PRKCE: variants seen among roughly 807,000 people sequenced by gnomAD.
PRKCE encodes protein kinase C epsilon.
A neutral mutation model predicts 85.4 loss-of-function variants in PRKCE; 16 were observed. The ratio of observed to expected loss-of-function variants is 0.19; its 90% confidence interval spans 0.13 to 0.28. The LOEUF (loss-of-function observed/expected upper bound fraction) is 0.28. Among genes scored for constraint, PRKCE ranks in the 10% least tolerant of loss-of-function variants. The pLI is 1.00. For missense variants in PRKCE, 573 were observed against 975.2 expected (o/e 0.59, Z 5.49); for synonymous variants, 388 against 371.5 (o/e 1.04, Z -0.51).
chr2:46,171,144 C>T (rs1483610683), intron 14 of PRKCE, among the ~76,000 whole-genome samples: 4 of 152,298 alleles, frequency 2.6e-5, no homozygotes, highest in African/African-American at 7.2e-5. Flanking sequence ...CATCCTGCTG[C>T]GGGGGGCCAG....
Position 46,184,985 on chromosome 2 carries a change from A to C in PRKCE, c.*104A>C. 6.9e-7 allele frequency: 1 copy of C among 1,449,308 alleles called. No individual in the cohort carries two copies. The highest frequency in any genetic ancestry group is 9.4e-7 in the Non-Finnish European group (1 of 1,068,484). The allele number at this position is 1,449,308 out of a possible 1,614,324, so 89.8% of individuals were successfully genotyped here. Reference sequence around the variant, plus strand: ...GTCTTGAACTACTTCTCCTCCTCGGAGCCCCAGTCCCATGTCCACTGTCTA... The same window carrying C: ...GTCTTGAACTACTTCTCCTCCTCGGCGCCCCAGTCCCATGTCCACTGTCTA... On this transcript the variant is annotated 3_prime_UTR_variant, in exon 15 of 15. Coordinates refer to ENST00000306156, the MANE Select transcript of PRKCE (RefSeq NM_005400.3). This position sits in a 1 kb window ranked among gnomAD's most constrained non-coding sequence, Gnocchi z 5.0.
intron 10 of PRKCE, among the ~76,000 whole-genome samples, chr2:46,081,612 C>A (rs544857370): frequency 6.6e-6 from 1 of 152,120 alleles, no homozygotes; most frequent in Non-Finnish European, 1.5e-5. Flanking sequence ...GATGGTTGTG[C>A]TGAGATCTGA....
chr2:46,011,023 G>A (rs1450004347), intron 10 of PRKCE: 2 of 1,164,658 alleles, frequency 1.7e-6, no homozygotes, highest in Non-Finnish European at 2.2e-6. Flanking sequence ...CCGCATAGGT[G>A]TCTGGGAACC....
At chr2:45,893,849 G>T (rs1049305153) in intron 2 of PRKCE, among the ~76,000 whole-genome samples, 1 of 152,154 alleles carries the variant, frequency 6.6e-6, no homozygotes, top group Non-Finnish European at 1.5e-5. Flanking sequence ...TCTGTTCTTT[G>T]TATGCTGGAG....
In PRKCE at chr2:46,155,679, T is replaced by G. The variant is rs2104555364; in HGVS notation, c.1921-3927T>G. 6.6e-6 allele frequency among the ~76,000 whole-genome samples: 1 copy of G among 152,338 alleles called. No homozygotes were observed. Among genetic ancestry groups the G allele is most frequent in the South Asian group, 2.1e-4 (1 of 4,826 alleles). ...TTCCTTGGTTCAGTAAATGGCACCCTGTCTTCCTTTCTAAACAGACCAGAA... is the reference window on the plus strand; with the variant it reads ...TTCCTTGGTTCAGTAAATGGCACCCGGTCTTCCTTTCTAAACAGACCAGAA... On this transcript the variant is annotated intron_variant, in intron 13 of 14. Coordinates refer to ENST00000306156, the MANE Select transcript of PRKCE (RefSeq NM_005400.3). This position sits in a 1 kb window ranked among gnomAD's most constrained non-coding sequence, Gnocchi z 4.7.
At chr2:45,831,188 C>T (rs747994222) in intron 1 of PRKCE, among the ~76,000 whole-genome samples, 1 of 152,084 alleles carries the variant, frequency 6.6e-6, no homozygotes, top group Non-Finnish European at 1.5e-5. Flanking sequence ...GTATATTAGC[C>T]ATTGAGTGGC....
At chr2:45,660,141 G>A (rs1402005026) in intron 1 of PRKCE, among the ~76,000 whole-genome samples, 2 of 152,172 alleles carry the variant, frequency 1.3e-5, no homozygotes, top group African/African-American at 4.8e-5. Context: ...GGTAGATATG[G>A]GGTTTGGTAA....
chr2:45,972,249 T>C (rs1330698765), intron 2 of PRKCE, among the ~76,000 whole-genome samples: 1 of 152,238 alleles, frequency 6.6e-6, no homozygotes, highest in African/African-American at 2.4e-5. Flanking sequence ...TGTATACCTG[T>C]TGGCCATTTG....
chr2:46,070,557 C>G (rs867914611), intron 10 of PRKCE, among the ~76,000 whole-genome samples: 1 of 152,030 alleles, frequency 6.6e-6, no homozygotes, highest in Non-Finnish European at 1.5e-5. Context: ...GCAGGAGAAT[C>G]GCTTGAACCC....
intron 11 of PRKCE, among the ~76,000 whole-genome samples, chr2:46,092,566 C>A (rs1049900016): frequency 6.6e-5 from 10 of 152,158 alleles, no homozygotes; most frequent in Admixed American, 2.0e-4. Flanking sequence ...GAATCAAGAG[C>A]AAGGAACAAA....
At chr2:46,011,064 C>T in intron 10 of PRKCE, 1 of 661,018 alleles carries the variant, frequency 1.5e-6, no homozygotes, top group Non-Finnish European at 2.1e-6. Flanking sequence ...CAAAGATAAT[C>T]CATAACTCCA....
chr2:45,999,743 G>C (rs1401333114), intron 6 of PRKCE, among the ~76,000 whole-genome samples: 1 of 151,722 alleles, frequency 6.6e-6, no homozygotes, highest in Non-Finnish European at 1.5e-5. Flanking sequence ...GTCTCTTTTT[G>C]CATATGTTAC....
In PRKCE at chr2:45,699,863, C is replaced by G. The variant is rs892725352; in HGVS notation, c.348+47415C>G. 3.9e-5 allele frequency among the ~76,000 whole-genome samples: 6 copies of G among 152,172 alleles called. No homozygotes were observed. The South Asian group carries it at 1.0e-3, about 26-fold the overall frequency. On this transcript the variant is annotated intron_variant, in intron 1 of 14. Transcript: ENST00000306156. ...GAAGGCACCAGTGTGGATGCCGCCG[C>G]TTGTGTCTGATGAGTGGAGAAATGG...
chr2:45,742,427 T>C (rs1355488050), intron 1 of PRKCE, among the ~76,000 whole-genome samples: 11 of 130,536 alleles, frequency 8.4e-5, no homozygotes, highest in Non-Finnish European at 1.8e-4. Context: ...AGAGAACCTA[T>C]CTCTAAAAAG....
intron 2 of PRKCE, among the ~76,000 whole-genome samples, chr2:45,913,238 C>T (rs1697508449): frequency 6.6e-6 from 1 of 152,202 alleles, no homozygotes; most frequent in African/African-American, 2.4e-5. Flanking sequence ...CCTCAAACTC[C>T]CTGGGCTCAG....
rs1037954559 is a variant in PRKCE, at chr2:45,933,458, T to C, written c.413-42971T>C. On this transcript the variant is annotated intron_variant, in intron 2 of 14. Transcript: ENST00000306156. ...GTTTTGTTTTACCTTTCACCTCATA[T>C]GCCTGCTTTTTTTTTTTTTTTTTTT... Among the ~76,000 whole-genome samples the C allele has an allele frequency of 2.6e-4, 37 of 144,818 alleles. 1 individual carries two copies. Among genetic ancestry groups the C allele is most frequent in the African/African-American group, 9.4e-4 (37 of 39,160 alleles).
intron 10 of PRKCE, among the ~76,000 whole-genome samples, chr2:46,020,584 A>G (rs1706565712): frequency 6.6e-6 from 1 of 152,168 alleles, no homozygotes. Flanking sequence ...TCAGTAACAT[A>G]TTTCATTGTT....
At chr2:45,853,153 T>C (rs1692410639) in intron 2 of PRKCE, among the ~76,000 whole-genome samples, 2 of 152,200 alleles carry the variant, frequency 1.3e-5, no homozygotes, top group African/African-American at 4.8e-5. Context: ...TTTGGAATCT[T>C]CTCCCTCCCC....
intron 1 of PRKCE, among the ~76,000 whole-genome samples, chr2:45,715,018 C>G (rs527744946): frequency 6.6e-6 from 1 of 152,336 alleles, no homozygotes; most frequent in South Asian, 2.1e-4. Context: ...TTGTTGTTTT[C>G]CCTGAAACAG....
Sources: allele counts gnomAD v4.1 joint callset (sites outside exome capture counted in the v4.1 genomes callset), GRCh38; gene constraint gnomAD v4.1.1; non-coding constraint Gnocchi (gnomAD v3.1); transcripts MANE v1.5; gene names NCBI Gene and HGNC (gene_info 2026-07-23, HGNC 2026-07-21).